The following RYR1 variants were observed in gnomAD, a reference collection of about 807,000 sequenced individuals.
RYR1 encodes ryanodine receptor 1.
RYR1 carries 342 observed loss-of-function variants against 583.5 expected under a neutral mutation model. The ratio of observed to expected loss-of-function variants is 0.59; its 90% CI spans 0.54 to 0.64. The LOEUF (loss-of-function observed/expected upper bound fraction) is 0.64. RYR1 is among the 30% of genes least tolerant of loss of function. The probability of loss-of-function intolerance (pLI) is 0.00; values close to 1 mark genes in which losing one functional copy is unlikely to be tolerated. For missense variants in RYR1, 6,032 were observed against 6,917.2 expected (o/e 0.87, Z 4.54); for synonymous variants, 2,791 against 2,822.5 (o/e 0.99, Z 0.35).
Position 38,517,386 on chromosome 19 carries a change from A to G in RYR1, c.9713A>G (p.Glu3238Gly), listed in dbSNP as rs200950673. 3.2e-4 allele frequency: 518 copies of G among 1,613,676 alleles called. No individual in the cohort carries two copies. Among genetic ancestry groups the G allele is most frequent in the South Asian group, 1.1e-3 (97 of 91,062 alleles). ...AILGLPNSVE[E>G]MCPDIPVLER... is the part of the protein sequence containing the mutation. ...CTGGGGCTCCCCAACAGTGTGGAGG[A>G]GATGTGTCCCGACATCCCGGTGCTG... The change falls in exon 66 of 106, where the codon GAG becomes GGG. Residue 3238 changes from glutamate to glycine, a missense_variant. This residue lies in a region of RYR1 where 1,493 missense variants were observed against 1,715.5 expected (regional missense o/e 0.87). Transcript: ENST00000359596.
chr19:38,519,366 G>A lies in RYR1; in HGVS notation c.10171G>A (p.Glu3391Lys), dbSNP rs1216966090. ...LEAKAEAQEG[E>K]LLVRDEFSVL... ...GGCCAAGGCGGAGGCCCAGGAGGGC[G>A]AGCTGCTGGTGCGGGACGAGTTCTC... Residue 3391 changes from glutamate to lysine, a missense_variant, in exon 67 of 106, where the codon GAG becomes AAG. Transcript: ENST00000359596. 16 of 1,610,038 alleles carry A rather than the reference G, an allele frequency of 9.9e-6. No homozygotes were observed. The highest frequency in any genetic ancestry group is 2.7e-5 in the African/African-American group (2 of 74,932).
rs549958186 is a variant in RYR1, at chr19:38,466,524, A to G, written c.3178+126A>G. The G allele has an allele frequency of 1.7e-3, 1,329 of 779,262 alleles. 4 individuals carry two copies. The highest frequency in any genetic ancestry group is 2.4e-3 in the Admixed American group (75 of 31,882). The allele number at this position is 779,262 out of a possible 1,614,324, so 48.3% of individuals were successfully genotyped here. ...ATCTTTTTTTTTTTTTTTTTTTTTG[A>G]GACGGAGTCTCGCTGTCCCCAGGCT... On this transcript the variant is annotated intron_variant, in intron 24 of 105. Coordinates refer to ENST00000359596, the MANE Select transcript of RYR1 (RefSeq NM_000540.3).
intron 89 of RYR1, among the ~76,000 whole-genome samples, chr19:38,553,305 A>T (rs561195687): frequency 3.3e-4 from 49 of 150,282 alleles, no homozygotes; most frequent in African/African-American, 1.2e-3. Flanking sequence ...ACTGCACTCC[A>T]GCCTGGGTGA....
In RYR1 at chr19:38,511,636, TCCTC is replaced by T. The variant is rs764375458; in HGVS notation, c.9172+30_9172+33del. 4 of 1,612,540 alleles carry T rather than the reference TCCTC, an allele frequency of 2.5e-6. No homozygotes were observed. The African/African-American group carries it at 4.0e-5, about 16-fold the overall frequency. The stretch of plus-strand genomic sequence containing the variant: ...GTAAGTGGCTCCACACCTTCGGTCT[TCCTC>T]CCTAATCTTTCTCTTCCCCACCCTG... On this transcript the variant is annotated intron_variant, in intron 61 of 105. Coordinates refer to ENST00000359596, the MANE Select transcript of RYR1 (RefSeq NM_000540.3).
chr19:38,537,211 C>T lies in RYR1; in HGVS notation c.11608+444C>T, dbSNP rs374596836. 48 of 262,058 alleles carry T rather than the reference C, an allele frequency of 1.8e-4. No individual in the cohort carries two copies. In the South Asian group the frequency reaches 2.4e-3, roughly 13 times the overall value. The allele number at this position is 262,058 out of a possible 1,614,324, so 16.2% of individuals were successfully genotyped here. A position where few individuals can be genotyped will look rare whatever the true frequency, so the allele number is the denominator to read the frequency against. On this transcript the variant is annotated intron_variant, in intron 83 of 105. Coordinates refer to ENST00000359596, the MANE Select transcript of RYR1 (RefSeq NM_000540.3). Reference sequence around the variant, plus strand: ...AACCGAATTGGTTGCCTCCGGCATCCACTCTGATTGGTGTGCGCCTGCCTC... The same window carrying T: ...AACCGAATTGGTTGCCTCCGGCATCTACTCTGATTGGTGTGCGCCTGCCTC...
At chr19:38,476,723 A>T (rs1968751363) in intron 29 of RYR1, among the ~76,000 whole-genome samples, 1 of 152,184 alleles carries the variant, frequency 6.6e-6, no homozygotes, top group South Asian at 2.1e-4. Context: ...CCTCGAGATT[A>T]GATCATGGGC....
chr19:38,473,840 A>C, intron 28 of RYR1, 69 bp downstream of exon 28: 2 of 1,158,730 alleles, frequency 1.7e-6, no homozygotes, highest in Non-Finnish European at 2.4e-6. Flanking sequence ...CAACCACAGT[A>C]ACCTGAGAAA....
At chr19:38,530,142 C>T (rs1172886232) in intron 76 of RYR1, among the ~76,000 whole-genome samples, 1 of 152,036 alleles carries the variant, frequency 6.6e-6, no homozygotes, top group Admixed American at 6.6e-5. Context: ...TTAGTAGAGA[C>T]GGGCTTTCAC....
chr19:38,576,282 C>T lies in RYR1; in HGVS notation c.14172+321C>T, dbSNP rs150176907. Reference sequence around the variant, plus strand: ...CAGCCTGGGCAACATGGCAAAATGCCGTCTCTACCAAAAATACAAAAAATT... The same window carrying T: ...CAGCCTGGGCAACATGGCAAAATGCTGTCTCTACCAAAAATACAAAAAATT... On this transcript the variant is annotated intron_variant, in intron 97 of 105. Transcript: ENST00000359596. 2.6e-3 allele frequency among the ~76,000 whole-genome samples: 388 copies of T among 152,000 alleles called. 1 individual carries two copies. Among genetic ancestry groups the T allele is most frequent in the African/African-American group, 8.8e-3 (363 of 41,454 alleles).
chr19:38,538,087 A>G, intron 84 of RYR1, 127 bp downstream of exon 84: 1 of 862,996 alleles, frequency 1.2e-6, no homozygotes, highest in Non-Finnish European at 1.9e-6. Context: ...GCCAGTGTCA[A>G]TCCACCTAGC....
At position 38,566,933 on chromosome 19, in the gene RYR1, T is replaced by C; in HGVS notation, c.13460T>C (p.Leu4487Pro). Residue 4487 changes from leucine to proline, a missense_variant, in exon 92 of 106, where the codon CTC (leucine) becomes CCC (proline). Leu to Pro is a moderately conservative substitution (Grantham distance 98). Around this residue, in one of 11 missense-constraint regions of RYR1, gnomAD observed 753 missense variants for 759.6 expected, o/e 0.99. Transcript: ENST00000359596. ...TAGGTGGATGGAGTGGAGGAGGAGC[T>C]CCCGCCAGAGCCAGAGCCCGAGCCG... ...KLGVDGVEEELPPEPEPEPEP... is the reference protein window; with the variant it reads ...KLGVDGVEEEPPPEPEPEPEP... The C allele has an allele frequency of 6.2e-7, 1 of 1,604,970 alleles. No individual in the cohort carries two copies.
chr19:38,499,165 G>C lies in RYR1; in HGVS notation c.6949G>C (p.Gly2317Arg), dbSNP rs1393489284. 14 of 1,614,194 alleles carry C rather than the reference G, an allele frequency of 8.7e-6. No homozygotes were observed. Among genetic ancestry groups the C allele is most frequent in the Non-Finnish European group, 1.1e-5 (13 of 1,180,024 alleles). ...LQSCPMLVAK[G>R]YPDIGWNPCG... is the part of the protein sequence containing the mutation. ...GAGCTGCCCCATGCTTGTGGCCAAA[G>C]GGTACCCAGACATTGGCTGGAACCC... The change falls in exon 43 of 106, where the codon GGG (glycine) becomes CGG (arginine). Residue 2317 changes from glycine to arginine, a missense_variant. By Grantham distance (125) the Gly-to-Arg change is moderately radical (BLOSUM62 -2). Around this residue, in one of 11 missense-constraint regions of RYR1, gnomAD observed 2,627 missense variants for 2,961.3 expected, o/e 0.89. Coordinates refer to ENST00000359596, the MANE Select transcript of RYR1 (RefSeq NM_000540.3). The surrounding 1 kb of genome is among the most constrained non-coding windows in gnomAD (Gnocchi z 7.3).
intron 94 of RYR1, among the ~76,000 whole-genome samples, chr19:38,571,746 T>C (rs16972718): frequency 6.6e-5 from 10 of 152,248 alleles, no homozygotes; most frequent in Admixed American, 6.5e-4. Flanking sequence ...TTCATGTTAG[T>C]GTTAATATTA....
rs765547572 is a variant in RYR1 at position 38,444,301 on chromosome 19, C to T, written c.537+40C>T. On this transcript the variant is annotated intron_variant, in intron 6 of 105. Coordinates refer to ENST00000359596, the MANE Select transcript of RYR1 (RefSeq NM_000540.3). The surrounding 1 kb of genome is among the most constrained non-coding windows in gnomAD (Gnocchi z 5.1). ...TTCCTCCTGCTCCCAGGTCTGGGGGCGCATGGGATGGTCCCCATCTTCTCA... is the reference window on the plus strand; with the variant it reads ...TTCCTCCTGCTCCCAGGTCTGGGGGTGCATGGGATGGTCCCCATCTTCTCA... 6.1e-6 allele frequency: 9 copies of T among 1,476,748 alleles called. No individual in the cohort carries two copies. The highest frequency in any genetic ancestry group is 2.8e-5 in the African/African-American group (2 of 72,232). The allele number at this position is 1,476,748 out of a possible 1,614,324, so 91.5% of individuals were successfully genotyped here.
intron 102 of RYR1, 135 bp from the exon 103 acceptor site, chr19:38,585,800 ATCT>A (rs1974458718): frequency 9.4e-7 from 1 of 1,064,900 alleles, no homozygotes; most frequent in Non-Finnish European, 1.4e-6. Flanking sequence ...GCCTAATACT[ATCT>A]TCTTAGGAAG....
chr19:38,530,688 A>C (rs893013231), intron 76 of RYR1, among the ~76,000 whole-genome samples: 1 of 152,106 alleles, frequency 6.6e-6, no homozygotes, highest in Non-Finnish European at 1.5e-5. Context: ...TGCCCTTCTT[A>C]GCTTTTGTCT....
intron 93 of RYR1, among the ~76,000 whole-genome samples, chr19:38,569,139 T>A (rs1222502905): frequency 2.0e-5 from 3 of 151,824 alleles, no homozygotes. Context: ...GCCTCCCGAG[T>A]AGCTAGGACT....
chr19:38,555,367 G>A (rs919950493), intron 89 of RYR1, among the ~76,000 whole-genome samples: 1 of 150,586 alleles, frequency 6.6e-6, no homozygotes, highest in East Asian at 1.9e-4. Flanking sequence ...TGGGAGGACC[G>A]AGAAGTTGAG....
chr19:38,478,794 A>G (rs994387501), intron 31 of RYR1, among the ~76,000 whole-genome samples, 194 bp downstream of exon 31: 3 of 152,092 alleles, frequency 2.0e-5, no homozygotes, highest in African/African-American at 7.2e-5. Context: ...GAGATACAGA[A>G]TCTCACTCTG....
Sources: allele counts gnomAD v4.1 joint callset (sites outside exome capture counted in the v4.1 genomes callset), GRCh38; gene constraint gnomAD v4.1.1; regional missense constraint gnomAD v4.1.1; non-coding constraint Gnocchi (gnomAD v3.1); transcripts MANE v1.5; gene names NCBI Gene and HGNC (gene_info 2026-07-23, HGNC 2026-07-21).